Variants in SLC24A3 observed in about 807,000 individuals in gnomAD.
SLC24A3 encodes sodium/potassium/calcium exchanger 3.
SLC24A3 carries 28 observed loss-of-function variants against 75.8 expected under a neutral mutation model. The observed-to-expected ratio is 0.37, with a 90% CI of 0.27 to 0.51. The LOEUF is 0.51. Ranked by LOEUF, SLC24A3 falls within the 20% of genes least tolerant of loss-of-function variation. SLC24A3 has a pLI of 0.94. For synonymous variants in SLC24A3, 372 were observed against 334.1 expected (o/e 1.11, Z -1.24); for missense variants, 663 against 847.8 (o/e 0.78, Z 2.71).
rs77478578 is a variant in SLC24A3 at position 19,672,083 on chromosome 20, G to C, written c.714-1518G>C. Among the ~76,000 whole-genome samples the C allele has an allele frequency of 0.011, 1,731 of 152,226 alleles. 65 individuals are homozygous for C. The East Asian group carries it at 0.13, about 11-fold the overall frequency. On this transcript the variant is annotated intron_variant, in intron 8 of 16. Coordinates refer to ENST00000328041, the MANE Select transcript of SLC24A3 (RefSeq NM_020689.4). ...CAACCACCCACTCATGCTTGGACTG[G>C]TGTGGATAGAAATCACTGGTGCCCT...
intron 7 of SLC24A3, among the ~76,000 whole-genome samples, chr20:19,656,476 A>G (rs2032267632): frequency 6.6e-6 from 1 of 152,212 alleles, no homozygotes; most frequent in East Asian, 1.9e-4. Context: ...TGAAAAGGGT[A>G]TGATCACCTG....
At chr20:19,384,876 A>G (rs747537464) in intron 2 of SLC24A3, among the ~76,000 whole-genome samples, 9 of 152,178 alleles carry the variant, frequency 5.9e-5, no homozygotes, top group Non-Finnish European at 1.0e-4. Flanking sequence ...AATCATCCTA[A>G]TAGGTGTGAG....
chr20:19,526,036 C>T (rs1431516306), intron 3 of SLC24A3, among the ~76,000 whole-genome samples: 1 of 152,160 alleles, frequency 6.6e-6, no homozygotes, highest in East Asian at 1.9e-4. Context: ...CCAGCTTTGA[C>T]ACTCCACCTG....
At chr20:19,490,823 C>T (rs1486666028) in intron 2 of SLC24A3, among the ~76,000 whole-genome samples, 1 of 152,088 alleles carries the variant, frequency 6.6e-6, no homozygotes, top group East Asian at 1.9e-4. Context: ...CTTTGCCATC[C>T]CTTGAAGGTT....
chr20:19,549,003 C>T (rs2030649258), intron 3 of SLC24A3, among the ~76,000 whole-genome samples: 1 of 152,168 alleles, frequency 6.6e-6, no homozygotes, highest in African/African-American at 2.4e-5. Flanking sequence ...TGGTGGAGGC[C>T]CTGCTATTTT....
chr20:19,423,717 T>G (rs1474929916), intron 2 of SLC24A3, among the ~76,000 whole-genome samples: 1 of 152,168 alleles, frequency 6.6e-6, no homozygotes, highest in African/African-American at 2.4e-5. Context: ...GAGACATCCC[T>G]GCCCAGCCCC....
At chr20:19,585,371 G>T in intron 5 of SLC24A3, 70 bp from the exon 6 acceptor site, 3 of 1,427,030 alleles carry the variant, frequency 2.1e-6, no homozygotes, top group Non-Finnish European at 2.0e-6. Context: ...GCTTATGAAA[G>T]GTTCCCCATG....
At chr20:19,328,951 C>T (rs376560345) in intron 2 of SLC24A3, among the ~76,000 whole-genome samples, 8 of 152,046 alleles carry the variant, frequency 5.3e-5, no homozygotes, top group Non-Finnish European at 7.4e-5. Context: ...GCCATCGAGG[C>T]GGGAGGAGGA....
At chr20:19,316,348 T>C (rs1984585462) in intron 2 of SLC24A3, among the ~76,000 whole-genome samples, 1 of 152,162 alleles carries the variant, frequency 6.6e-6, no homozygotes. Flanking sequence ...AAATAAAGGC[T>C]TACCAGGGTT....
At chr20:19,618,202 C>G (rs2031761505) in intron 6 of SLC24A3, among the ~76,000 whole-genome samples, 1 of 152,148 alleles carries the variant, frequency 6.6e-6, no homozygotes, top group South Asian at 2.1e-4. Context: ...AGGCTGTCTA[C>G]ATCCAGGTTC....
intron 1 of SLC24A3, among the ~76,000 whole-genome samples, chr20:19,242,111 G>A (rs905371014): frequency 6.6e-6 from 1 of 151,638 alleles, no homozygotes; most frequent in Non-Finnish European, 1.5e-5. Context: ...AGAATGTTAA[G>A]TTTTGAGAAT....
chr20:19,600,166 T>C (rs1364010484), intron 6 of SLC24A3, among the ~76,000 whole-genome samples: 1 of 152,086 alleles, frequency 6.6e-6, no homozygotes, highest in Non-Finnish European at 1.5e-5. Flanking sequence ...GGGGTTGATC[T>C]CCCAGCGCTC....
At chr20:19,665,773 A>G (rs2032391443) in intron 7 of SLC24A3, 91 bp from the exon 8 acceptor site, 1 of 1,441,358 alleles carries the variant, frequency 6.9e-7, no homozygotes, top group Non-Finnish European at 9.2e-7. Context: ...CAAGGTGGAT[A>G]CTGCGTGCAG....
chr20:19,498,652 T>C (rs911463175), intron 2 of SLC24A3, among the ~76,000 whole-genome samples: 4 of 152,184 alleles, frequency 2.6e-5, no homozygotes, highest in African/African-American at 9.7e-5. Context: ...TAGCTATGGT[T>C]ATCAGTTCAG....
chr20:19,701,187 G>A (rs1002603253), intron 15 of SLC24A3, among the ~76,000 whole-genome samples: 1 of 152,028 alleles, frequency 6.6e-6, no homozygotes, highest in African/African-American at 2.4e-5. Context: ...GCCATGAAAA[G>A]CATGTTGAAT....
intron 2 of SLC24A3, among the ~76,000 whole-genome samples, chr20:19,364,905 A>C (rs1303692417): frequency 1.3e-5 from 2 of 152,198 alleles, no homozygotes; most frequent in Non-Finnish European, 2.9e-5. Flanking sequence ...ACGGAGGAGC[A>C]GCAGGAGAAA....
intron 2 of SLC24A3, among the ~76,000 whole-genome samples, chr20:19,480,582 G>A (rs1186942344): frequency 2.6e-5 from 4 of 152,164 alleles, no homozygotes; most frequent in South Asian, 2.1e-4. Context: ...CCTAGACTTG[G>A]TTCCATGCCC....
At chr20:19,366,068 C>G (rs566965381) in intron 2 of SLC24A3, among the ~76,000 whole-genome samples, 1 of 152,234 alleles carries the variant, frequency 6.6e-6, no homozygotes, top group South Asian at 2.1e-4. Flanking sequence ...CTGCCCAACC[C>G]TCATGATTAA....
chr20:19,360,168 G>T (rs1399757809), intron 2 of SLC24A3, among the ~76,000 whole-genome samples: 3 of 152,196 alleles, frequency 2.0e-5, no homozygotes, highest in Admixed American at 6.5e-5. Flanking sequence ...GCCCAGAAAT[G>T]ATCAGTATCT....
Sources: allele counts gnomAD v4.1 joint callset (sites outside exome capture counted in the v4.1 genomes callset), GRCh38; gene constraint gnomAD v4.1.1; transcripts MANE v1.5; gene names NCBI Gene and HGNC (gene_info 2026-07-23, HGNC 2026-07-21).